The following SCN10A variants were observed in gnomAD, a reference collection of about 807,000 sequenced individuals.
SCN10A encodes sodium voltage-gated channel alpha subunit 10.
Under a neutral mutation model 170.7 loss-of-function variants are expected in SCN10A, and 162 were observed. The ratio of observed to expected loss-of-function variants is 0.95; its 90% CI spans 0.84 to 1.08. SCN10A has a LOEUF of 1.08. Among genes scored for constraint, SCN10A ranks in the 50% least tolerant of loss-of-function variants. SCN10A has a pLI of 0.00. For synonymous variants in SCN10A, 985 were observed against 904.6 expected, an observed-to-expected ratio of 1.09 and a Z score of -1.59; for missense variants, 2,527 against 2,436.9, an observed-to-expected ratio of 1.04 and a Z score of -0.78.
intron 22 of SCN10A, among the ~76,000 whole-genome samples, chr3:38,713,309 T>C (rs1051303590): frequency 2.0e-5 from 3 of 152,160 alleles, no homozygotes; most frequent in African/African-American, 7.2e-5. Context: ...ATGATGTCAC[T>C]CATGGAGTAT....
chr3:38,791,954 G>C, intron 3 of SCN10A, 96 bp downstream of exon 3: 1 of 1,476,616 alleles, frequency 6.8e-7, no homozygotes, highest in Non-Finnish European at 9.1e-7. Flanking sequence ...GATTCAATTG[G>C]ATAAGGGCTC....
At chr3:38,736,452 G>C (rs1291813540) in intron 15 of SCN10A, among the ~76,000 whole-genome samples, 2 of 150,390 alleles carry the variant, frequency 1.3e-5, no homozygotes, top group Non-Finnish European at 2.9e-5. Flanking sequence ...ATCTGCTCCA[G>C]TTTTCTGAAA....
At chr3:38,729,865 T>C (rs1162943470) in intron 15 of SCN10A, among the ~76,000 whole-genome samples, 1 of 152,142 alleles carries the variant, frequency 6.6e-6, no homozygotes, top group Non-Finnish European at 1.5e-5. Context: ...TATCCGTGAG[T>C]AAATCCCACG....
intron 4 of SCN10A, among the ~76,000 whole-genome samples, chr3:38,776,625 A>G (rs2064078523): frequency 6.6e-6 from 1 of 152,080 alleles, no homozygotes; most frequent in Non-Finnish European, 1.5e-5. Flanking sequence ...TACATGTTAG[A>G]TTTTAAAATT....
chr3:38,746,743 T>C lies in SCN10A; in HGVS notation c.1867+3330A>G, dbSNP rs569543941. Among the ~76,000 whole-genome samples the C allele has an allele frequency of 7.9e-5, 12 of 152,298 alleles. No individual in the cohort carries two copies. The South Asian group carries it at 2.5e-3, about 32-fold the overall frequency. The stretch of plus-strand genomic sequence containing the variant: ...TTGCAGTCCTTTCAGCCTGGGATAA[T>C]TCCCTGGCTCCAGGCAAATCTTACC... On this transcript the variant is annotated intron_variant, in intron 13 of 27. Coordinates refer to ENST00000449082, the MANE Select transcript of SCN10A (RefSeq NM_006514.4).
At chr3:38,743,085 G>A (rs1474330130) in intron 13 of SCN10A, among the ~76,000 whole-genome samples, 1 of 152,140 alleles carries the variant, frequency 6.6e-6, no homozygotes, top group East Asian at 1.9e-4. Flanking sequence ...CATTCTTCCA[G>A]ATGACTGTTT....
intron 1 of SCN10A, among the ~76,000 whole-genome samples, chr3:38,794,757 T>A (rs1374267796): frequency 6.6e-6 from 1 of 152,212 alleles, no homozygotes; most frequent in African/African-American, 2.4e-5. Flanking sequence ...AATCATATGG[T>A]ATCCCTAGTC....
chr3:38,705,352 A>G (rs1242511758), intron 26 of SCN10A, among the ~76,000 whole-genome samples: 4 of 152,200 alleles, frequency 2.6e-5, no homozygotes, highest in Non-Finnish European at 5.9e-5. Context: ...CAAAGGATGG[A>G]GAATCTCAGG....
intron 1 of SCN10A, among the ~76,000 whole-genome samples, chr3:38,795,635 T>C (rs115053604): frequency 1.1e-3 from 162 of 152,246 alleles, no homozygotes; most frequent in African/African-American, 3.7e-3. Flanking sequence ...TTGGCTACCA[T>C]GACACTCTCT....
At chr3:38,747,119 A>G (rs1205484817) in intron 13 of SCN10A, among the ~76,000 whole-genome samples, 1 of 152,092 alleles carries the variant, frequency 6.6e-6, no homozygotes, top group Non-Finnish European at 1.5e-5. Context: ...TCTTTTATTT[A>G]ACCTAAGGTT....
intron 1 of SCN10A, among the ~76,000 whole-genome samples, chr3:38,807,886 T>C (rs1383815121): frequency 6.6e-6 from 1 of 152,164 alleles, no homozygotes; most frequent in African/African-American, 2.4e-5. Context: ...TCACAACCAT[T>C]TCTTATCTGG....
chr3:38,739,370 T>C, intron 15 of SCN10A, 145 bp downstream of exon 15: 2 of 651,770 alleles, frequency 3.1e-6, no homozygotes, highest in Non-Finnish European at 5.0e-6. Flanking sequence ...CAGACCCAAG[T>C]CTCCAGTCGC....
chr3:38,726,466 G>A (rs1042486412), intron 17 of SCN10A, 140 bp downstream of exon 17: 8 of 637,796 alleles, frequency 1.3e-5, no homozygotes, highest in South Asian at 3.3e-5. Context: ...CTGCTCAAAC[G>A]CCAACTCCTC....
intron 4 of SCN10A, among the ~76,000 whole-genome samples, chr3:38,785,428 T>A (rs2064187624): frequency 6.6e-6 from 1 of 152,150 alleles, no homozygotes; most frequent in Non-Finnish European, 1.5e-5. Context: ...TGGCTAGCCT[T>A]AGGCAGAAAA....
At chr3:38,801,186 A>G (rs1235729178) in intron 1 of SCN10A, among the ~76,000 whole-genome samples, 2 of 152,154 alleles carry the variant, frequency 1.3e-5, no homozygotes, top group Non-Finnish European at 2.9e-5. Context: ...TAAACTCGCT[A>G]TCTCCTGAGT....
At chr3:38,732,310 C>T in intron 15 of SCN10A, among the ~76,000 whole-genome samples, 1 of 152,122 alleles carries the variant, frequency 6.6e-6, no homozygotes, top group East Asian at 1.9e-4. Flanking sequence ...CCTTAAACCC[C>T]CTGAACTTTT....
At chr3:38,741,280 G>A (rs913183071) in intron 14 of SCN10A, among the ~76,000 whole-genome samples, 18 of 138,990 alleles carry the variant, frequency 1.3e-4, no homozygotes, top group Admixed American at 6.4e-4. Flanking sequence ...TCATGTGTGC[G>A]TGTGTTTGAA....
In SCN10A at chr3:38,702,116, A is replaced by G; in HGVS notation, c.4387-7T>C. On this transcript the variant is annotated splice_polypyrimidine_tract_variant and splice_region_variant and intron_variant, in intron 26 of 27. Transcript: ENST00000449082. ...CAAAACCCTGGAACTTGTTCTGAGA[A>G]AACAAGAGATAGTGGCATCAGGGCC... 1.3e-6 allele frequency: 2 copies of G among 1,535,538 alleles called. No individual in the cohort carries two copies. The highest frequency in any genetic ancestry group is 2.3e-5 in the East Asian group (1 of 44,012).
Position 38,813,221 on chromosome 3 carries a change from C to T in SCN10A, c.-33+2816G>A, listed in dbSNP as rs149671259. 2.9e-3 allele frequency among the ~76,000 whole-genome samples: 445 copies of T among 152,268 alleles called. 2 individuals carry two copies. The highest frequency in any genetic ancestry group is 0.012 in the South Asian group (60 of 4,810). Reference sequence around the variant, plus strand: ...CTAATGCAAGTCAAGCTCACACCTGCTGATGAATTCATTCTAGGCTTTGAG... The same window carrying T: ...CTAATGCAAGTCAAGCTCACACCTGTTGATGAATTCATTCTAGGCTTTGAG... On this transcript the variant is annotated intron_variant, in intron 1 of 27. Transcript: ENST00000449082.
Sources: allele counts gnomAD v4.1 joint callset (sites outside exome capture counted in the v4.1 genomes callset), GRCh38; gene constraint gnomAD v4.1.1; transcripts MANE v1.5; gene names NCBI Gene and HGNC (gene_info 2026-07-23, HGNC 2026-07-21).